The following KLHL13 variants were observed in gnomAD, a reference collection of about 807,000 sequenced individuals.
The protein encoded by KLHL13 is kelch like family member 13.
A neutral mutation model predicts 37.1 loss-of-function variants in KLHL13; 10 were observed. The ratio of observed to expected loss-of-function variants is 0.27; its 90% CI spans 0.17 to 0.46. The LOEUF is 0.46. Among genes scored for constraint, KLHL13 ranks in the 20% least tolerant of loss-of-function variants. The pLI, the probability that KLHL13 is intolerant of heterozygous loss-of-function variation, is 1.00. For synonymous variants in KLHL13, 163 were observed against 181.2 expected, an observed-to-expected ratio of 0.90 and a Z score of 0.81; for missense variants, 360 against 509.3, an observed-to-expected ratio of 0.71 and a Z score of 2.82.
chrX:118,052,816 G>A (rs1310457119), intron 1 of KLHL13, among the ~76,000 whole-genome samples: 1 of 107,342 alleles, frequency 9.3e-6, no homozygotes, highest in Non-Finnish European at 1.9e-5. Flanking sequence ...GACAGAGCAA[G>A]ACGCCATCTC....
At chrX:118,008,413 T>C (rs2054012501) in intron 1 of KLHL13, among the ~76,000 whole-genome samples, 1 of 111,683 alleles carries the variant, frequency 9.0e-6, no homozygotes. Flanking sequence ...AGGTGGCTAT[T>C]ACAATGACTC....
chrX:118,091,519 TC>T (rs1469229992), intron 1 of KLHL13, among the ~76,000 whole-genome samples: 1 of 110,572 alleles, frequency 9.0e-6, no homozygotes. Flanking sequence ...ACAGATAGGC[TC>T]AACAGCAGAA....
intron 5 of KLHL13, among the ~76,000 whole-genome samples, chrX:117,906,300 C>A (rs749183593): frequency 2.2e-4 from 25 of 111,309 alleles, no homozygotes; most frequent in Non-Finnish European, 4.3e-4. Flanking sequence ...AACAATGGGT[C>A]CAAGAAAACT....
intron 2 of KLHL13, among the ~76,000 whole-genome samples, chrX:117,943,812 C>T (rs1224804684): frequency 9.1e-6 from 1 of 110,081 alleles, no homozygotes; most frequent in African/African-American, 3.3e-5. Flanking sequence ...TACCTACCTT[C>T]TAAAGCCTAC....
chrX:118,014,564 T>C (rs963269315), intron 1 of KLHL13, among the ~76,000 whole-genome samples: 2 of 112,419 alleles, frequency 1.8e-5, no homozygotes, highest in Admixed American at 9.4e-5. Flanking sequence ...TGTGATCTTT[T>C]TGACTTACTC....
chrX:117,960,559 T>C (rs995170611), intron 1 of KLHL13, among the ~76,000 whole-genome samples: 2 of 112,400 alleles, frequency 1.8e-5, no homozygotes, highest in Non-Finnish European at 3.8e-5. Flanking sequence ...CACATAATCA[T>C]ATGCCACTGC....
intron 1 of KLHL13, among the ~76,000 whole-genome samples, chrX:118,099,350 C>A (rs1271017428): frequency 1.8e-5 from 2 of 111,777 alleles, no homozygotes. Context: ...TTCCTTCCAA[C>A]TCCTAGTAGA....
At chrX:118,094,509 G>T (rs1056964698) in intron 1 of KLHL13, among the ~76,000 whole-genome samples, 1 of 110,951 alleles carries the variant, frequency 9.0e-6, no homozygotes, top group Non-Finnish European at 1.9e-5. Context: ...AGCAAGGCAG[G>T]CCAACATTCA....
chrX:118,097,796 T>G (rs751302935), intron 1 of KLHL13, among the ~76,000 whole-genome samples: 38 of 111,529 alleles, frequency 3.4e-4, no homozygotes, highest in Middle Eastern at 4.6e-3. Context: ...CTATCTGATC[T>G]TTGACAAACT....
rs2054490310 is a variant in KLHL13, at chrX:118,039,931, A to G, written c.-56+76577T>C. ...CATTTGTTTGGGGGAAATTAGGGGAAGAGAACAAGGGTCTCTGCCTGGTAA... is the reference window on the plus strand; with the variant it reads ...CATTTGTTTGGGGGAAATTAGGGGAGGAGAACAAGGGTCTCTGCCTGGTAA... On this transcript the variant is annotated intron_variant, in intron 1 of 6. Transcript: ENST00000371882. 3.6e-5 allele frequency among the ~76,000 whole-genome samples: 4 copies of G among 111,532 alleles called. No homozygotes were observed. The South Asian group carries it at 1.5e-3, about 43-fold the overall frequency.
chrX:117,933,653 G>T (rs752542369), intron 2 of KLHL13, among the ~76,000 whole-genome samples: 2 of 111,336 alleles, frequency 1.8e-5, no homozygotes, highest in Non-Finnish European at 3.8e-5. Flanking sequence ...ATAGACAAAT[G>T]AGAGTACATC....
At chrX:118,069,980 C>T (rs923617618) in intron 1 of KLHL13, among the ~76,000 whole-genome samples, 1 of 111,724 alleles carries the variant, frequency 9.0e-6, no homozygotes, top group African/African-American at 3.3e-5. Context: ...TTTACCATAC[C>T]TTTTATATGC....
chrX:118,019,339 G>T (rs1208815543), intron 1 of KLHL13, among the ~76,000 whole-genome samples: 1 of 110,925 alleles, frequency 9.0e-6, no homozygotes, highest in Admixed American at 9.6e-5. Flanking sequence ...TGATGGGGTT[G>T]TTTGTTTTTT....
intron 1 of KLHL13, among the ~76,000 whole-genome samples, chrX:117,951,743 T>C (rs975639071): frequency 2.7e-5 from 3 of 112,416 alleles, no homozygotes; most frequent in African/African-American, 6.4e-5. Flanking sequence ...TGTTTTAACA[T>C]AGGAATAAGA....
intron 1 of KLHL13, among the ~76,000 whole-genome samples, chrX:117,953,504 G>T (rs1933746467): frequency 1.8e-5 from 2 of 110,688 alleles, no homozygotes; most frequent in Middle Eastern, 4.2e-3. Context: ...GTATACATAT[G>T]TAACTAACCT....
intron 1 of KLHL13, among the ~76,000 whole-genome samples, chrX:118,022,747 A>G (rs1156325367): frequency 8.9e-6 from 1 of 112,342 alleles, no homozygotes; most frequent in East Asian, 2.8e-4. Flanking sequence ...CCCTCATCAC[A>G]TATATGGTTT....
At position 117,917,563 on chromosome X, in the gene KLHL13, A is replaced by G. The variant is rs964918885; in HGVS notation, c.570+1958T>C. ...TACTGGAAATTAGCAATACAAAGTG[A>G]CTATGGTCTCATCTTTAAATAAAAT... On this transcript the variant is annotated intron_variant, in intron 4 of 6. Coordinates refer to ENST00000262820, the Ensembl canonical transcript of KLHL13. Among the ~76,000 whole-genome samples the G allele has an allele frequency of 2.8e-4, 31 of 112,614 alleles. 1 individual carries two copies. In the Admixed American group the frequency reaches 2.9e-3, roughly 11 times the overall value.
At chrX:118,077,906 T>C (rs761478085) in intron 1 of KLHL13, among the ~76,000 whole-genome samples, 3 of 111,964 alleles carry the variant, frequency 2.7e-5, no homozygotes, top group Non-Finnish European at 5.6e-5. Context: ...TATATAAAAG[T>C]ACCTTACAAA....
chrX:117,901,778 A>C, intron 6 of KLHL13, 55 bp downstream of exon 7: 68 of 578,247 alleles, frequency 1.2e-4, no homozygotes, highest in Non-Finnish European at 1.7e-4. Flanking sequence ...ATGGAAAGAT[A>C]ACCATATAGT....
Sources: gnomAD v4.1 joint callset for allele counts (sites outside exome capture counted in the v4.1 genomes callset) on GRCh38, gnomAD v4.1.1 for gene constraint, MANE v1.5 for transcripts, NCBI Gene and HGNC (gene_info 2026-07-23, HGNC 2026-07-21) for gene names.